The following ADAM23 variants were observed in gnomAD, a reference collection of about 807,000 sequenced individuals.
The protein encoded by ADAM23 is ADAM metallopeptidase domain 23.
In ADAM23, 33 loss-of-function variants were observed where a neutral mutation model predicts 120.1. The observed-to-expected ratio is 0.27, with a 90% CI of 0.21 to 0.37. The LOEUF is 0.37. Among genes scored for constraint, ADAM23 ranks in the 10% least tolerant of loss-of-function variants. The pLI is 1.00. For missense variants in ADAM23, 862 were observed against 1,058.2 expected (o/e 0.81, Z 2.57); for synonymous variants, 367 against 375.2 (o/e 0.98, Z 0.25).
At chr2:206,469,414 A>C (rs1173386833) in intron 2 of ADAM23, among the ~76,000 whole-genome samples, 1 of 152,104 alleles carries the variant, frequency 6.6e-6, no homozygotes, top group South Asian at 2.1e-4. Context: ...TGCCTTCACT[A>C]TCTTCCCAGA....
At chr2:206,556,728 C>T (rs1697651258) in intron 9 of ADAM23, among the ~76,000 whole-genome samples, 1 of 152,140 alleles carries the variant, frequency 6.6e-6, no homozygotes, top group African/African-American at 2.4e-5. Context: ...CAGCACACTT[C>T]ATTTTTACTT....
intron 24 of ADAM23, chr2:206,608,102 T>C: frequency 3.0e-6 from 1 of 332,272 alleles, no homozygotes; most frequent in Admixed American, 4.2e-5. Flanking sequence ...ATAAAGTTTC[T>C]CTAAAACAGA....
intron 10 of ADAM23, among the ~76,000 whole-genome samples, chr2:206,558,865 G>A (rs1174684165): frequency 6.6e-6 from 1 of 152,186 alleles, no homozygotes; most frequent in Non-Finnish European, 1.5e-5. Flanking sequence ...GCTTCAATTT[G>A]ATTTAGGCAT....
At chr2:206,507,763 A>C (rs899729444) in intron 3 of ADAM23, among the ~76,000 whole-genome samples, 9 of 152,152 alleles carry the variant, frequency 5.9e-5, no homozygotes, top group African/African-American at 9.7e-5. Flanking sequence ...GTTTGGTCTC[A>C]CTGATATAAA....
chr2:206,547,417 G>A lies in ADAM23; in HGVS notation c.721-12G>A, dbSNP rs531744853. ...CTTGCTTTCTAAATTGCCTACAATT[G>A]TTTTGTTTCAGAAAAGCACAGGTCG... On this transcript the variant is annotated splice_polypyrimidine_tract_variant and intron_variant, in intron 6 of 25. Coordinates refer to ENST00000264377, the MANE Select transcript of ADAM23 (RefSeq NM_003812.4). 1.2e-6 allele frequency: 2 copies of A among 1,608,810 alleles called. No homozygotes were observed. Among genetic ancestry groups the A allele is most frequent in the South Asian group, 1.1e-5 (1 of 90,300 alleles).
At chr2:206,526,174 AC>A (rs1696943951) in intron 3 of ADAM23, among the ~76,000 whole-genome samples, 3 of 150,548 alleles carry the variant, frequency 2.0e-5, no homozygotes, top group African/African-American at 7.4e-5. Context: ...ACACACACAC[AC>A]ACACAGACAC....
At chr2:206,560,350 A>G (rs545406544) in intron 11 of ADAM23, among the ~76,000 whole-genome samples, 4 of 151,606 alleles carry the variant, frequency 2.6e-5, no homozygotes, top group Admixed American at 6.6e-5. Flanking sequence ...CCTCAAGATC[A>G]ACTCACAATC....
At position 206,574,553 on chromosome 2, in the gene ADAM23, C is replaced by T. The variant is rs114398833; in HGVS notation, c.1737+1358C>T. On this transcript the variant is annotated intron_variant, in intron 18 of 25. Coordinates refer to ENST00000264377, the MANE Select transcript of ADAM23 (RefSeq NM_003812.4). ...AAACAGTACACTCACATTGATGAAG[C>T]ACTAATGTGCTGTTTTCAAACATTT... 6.3e-3 allele frequency among the ~76,000 whole-genome samples: 951 copies of T among 152,142 alleles called. 17 individuals are homozygous for T. The highest frequency in any genetic ancestry group is 0.022 in the African/African-American group (915 of 41,498).
chr2:206,463,428 C>G (rs759282123), intron 2 of ADAM23, among the ~76,000 whole-genome samples: 12 of 152,164 alleles, frequency 7.9e-5, no homozygotes, highest in Non-Finnish European at 1.0e-4. Flanking sequence ...GCCAGCCCTG[C>G]CAACACCTTA....
rs1402905170 is a variant in ADAM23 at position 206,477,889 on chromosome 2, A to T, written c.433-3343A>T. Among the ~76,000 whole-genome samples the T allele has an allele frequency of 8.3e-3, 454 of 54,430 alleles. 1 individual carries two copies. Among genetic ancestry groups the T allele is most frequent in the South Asian group, 0.037 (82 of 2,206 alleles). 35.7% of individuals were successfully genotyped at this position (54,430 alleles called of 152,430 possible). On this transcript the variant is annotated intron_variant, in intron 2 of 25. Transcript: ENST00000264377. ...CAAGCCAATATTCTGTTAAAAAAAA[A>T]AAAAAAAAATATATATATATATATA...
In ADAM23 at chr2:206,570,831, T is replaced by C. The variant is rs774612356; in HGVS notation, c.1566+20T>C. The C allele has an allele frequency of 6.2e-7, 1 of 1,601,014 alleles. No individual in the cohort carries two copies. Among genetic ancestry groups the C allele is most frequent in the Non-Finnish European group, 8.6e-7 (1 of 1,168,334 alleles). ...CATGTGGTAGGTATAAGAAACCTTC[T>C]ATACTTACAGCACAGATCTTACTTG... On this transcript the variant is annotated intron_variant, in intron 16 of 25. Transcript: ENST00000264377.
At chr2:206,554,369 TA>T (rs961004152) in intron 9 of ADAM23, among the ~76,000 whole-genome samples, 1 of 152,160 alleles carries the variant, frequency 6.6e-6, no homozygotes, top group Non-Finnish European at 1.5e-5. Context: ...AAATAAATAT[TA>T]AAAATCTTAT....
At chr2:206,576,922 T>A (rs546805642) in intron 18 of ADAM23, among the ~76,000 whole-genome samples, 31 of 152,286 alleles carry the variant, frequency 2.0e-4, no homozygotes, top group African/African-American at 7.2e-4. Context: ...AAGTGGGTAG[T>A]ATAACATAAT....
chr2:206,478,678 T>C (rs1695834239), intron 2 of ADAM23, among the ~76,000 whole-genome samples: 1 of 152,186 alleles, frequency 6.6e-6, no homozygotes, highest in African/African-American at 2.4e-5. Context: ...CCAGTCTCCA[T>C]CCCACCTTTT....
intron 3 of ADAM23, among the ~76,000 whole-genome samples, chr2:206,495,479 C>T (rs1434267840): frequency 1.3e-5 from 2 of 152,182 alleles, no homozygotes; most frequent in African/African-American, 4.8e-5. Context: ...CAGGCCTGCC[C>T]TAAAAGAGCT....
intron 24 of ADAM23, among the ~76,000 whole-genome samples, chr2:206,602,935 A>G (rs1322219923): frequency 6.6e-6 from 1 of 152,198 alleles, no homozygotes; most frequent in Non-Finnish European, 1.5e-5. Context: ...TAATAAACAG[A>G]TTCCACAAAC....
At chr2:206,599,132 G>T (rs1238345564) in intron 24 of ADAM23, among the ~76,000 whole-genome samples, 1 of 151,000 alleles carries the variant, frequency 6.6e-6, no homozygotes, top group Non-Finnish European at 1.5e-5. Flanking sequence ...TTGAACCCAG[G>T]AGGTGGAGGT....
chr2:206,515,623 C>T (rs1332667621), intron 3 of ADAM23, among the ~76,000 whole-genome samples: 3 of 152,040 alleles, frequency 2.0e-5, no homozygotes, highest in East Asian at 1.9e-4. Context: ...TCTATTATTT[C>T]GTGAAATTTT....
intron 20 of ADAM23, among the ~76,000 whole-genome samples, chr2:206,588,443 C>T (rs746012340): frequency 7.2e-5 from 11 of 152,196 alleles, no homozygotes; most frequent in Non-Finnish European, 1.0e-4. Flanking sequence ...TGTGATTATC[C>T]AGCCACTTGT....
Sources: gnomAD v4.1 joint callset for allele counts (sites outside exome capture counted in the v4.1 genomes callset) on GRCh38, gnomAD v4.1.1 for gene constraint, MANE v1.5 for transcripts, NCBI Gene and HGNC (gene_info 2026-07-23, HGNC 2026-07-21) for gene names.